BTD: variants seen among roughly 807,000 people sequenced by gnomAD.
BTD encodes the protein biocytinase.
A neutral mutation model predicts 17.7 loss-of-function variants in BTD; 13 were observed. The observed-to-expected ratio is 0.74, with a 90% confidence interval of 0.48 to 1.17. BTD has a LOEUF of 1.17. Ranked by LOEUF, BTD falls within the 50% of genes most tolerant of loss-of-function variation. The pLI is 0.00. For missense variants in BTD, 674 were observed against 650.4 expected (o/e 1.04, Z -0.39); for synonymous variants, 240 against 245.2 (o/e 0.98, Z 0.20).
Position 15,678,377 on chromosome 3 carries a change from T to C in BTD, c.400-31683T>C, listed in dbSNP as rs766665773. 8.2e-6 allele frequency: 13 copies of C among 1,578,442 alleles called. No homozygotes were observed. In the East Asian group the frequency reaches 2.5e-4, roughly 30 times the overall value. ...GTTCTGTGATAAAGAAAAATTGAAA[T>C]ATATGACTAAATTTGAATGTTATAT... On this transcript the variant is annotated intron_variant, in intron 3 of 3. Coordinates refer to the BTD transcript ENST00000672141.
At chr3:15,684,867 T>C (rs1051311784) in intron 3 of BTD, 2 of 206,648 alleles carry the variant, frequency 9.7e-6, no homozygotes, top group Admixed American at 1.1e-4. Context: ...CTCATGCCTG[T>C]AATCCCAACA....
chr3:15,708,858 G>A (rs2071833547), intron 3 of BTD, among the ~76,000 whole-genome samples: 1 of 152,026 alleles, frequency 6.6e-6, no homozygotes, highest in Non-Finnish European at 1.5e-5. Flanking sequence ...CACATGCATT[G>A]ACATATATTC....
intron 1 of BTD, among the ~76,000 whole-genome samples, chr3:15,628,497 A>C (rs1193846785): frequency 1.3e-5 from 2 of 152,226 alleles, no homozygotes; most frequent in African/African-American, 4.8e-5. Context: ...ATTATCTAGA[A>C]GGTGTTCTTT....
intron 1 of BTD, among the ~76,000 whole-genome samples, chr3:15,606,287 G>T (rs1398968982): frequency 6.6e-6 from 1 of 152,114 alleles, no homozygotes; most frequent in African/African-American, 2.4e-5. Flanking sequence ...GACAAGTCAG[G>T]CACCTGTATT....
At chr3:15,674,196 A>AAAAAAAGAAG (rs1470515364) in intron 3 of BTD, among the ~76,000 whole-genome samples, 25 of 130,158 alleles carry the variant, frequency 1.9e-4, no homozygotes, top group African/African-American at 7.8e-4. Context: ...AAAAAAAAAA[A>AAAAAAAGAAG]AAGAAGAAGA....
intron 3 of BTD, among the ~76,000 whole-genome samples, chr3:15,672,920 C>T (rs776080328): frequency 2.6e-5 from 4 of 152,242 alleles, no homozygotes; most frequent in Non-Finnish European, 5.9e-5. Flanking sequence ...GGATTACAGG[C>T]ACATGCCACC....
chr3:15,636,673 C>T (rs530242485), intron 2 of BTD, among the ~76,000 whole-genome samples: 1 of 152,056 alleles, frequency 6.6e-6, no homozygotes, highest in African/African-American at 2.4e-5. Flanking sequence ...ACAGTCCCTG[C>T]CTTAGAGCAG....
intron 1 of BTD, among the ~76,000 whole-genome samples, chr3:15,621,490 T>A (rs1413606573): frequency 1.3e-5 from 2 of 152,258 alleles, no homozygotes; most frequent in East Asian, 3.8e-4. Flanking sequence ...TTTTAAAATA[T>A]TTTGAATTAT....
Position 15,645,566 on chromosome 3 carries a change from G to T in BTD, c.*78G>T. ...CACTTCCACAGGCTACAAGCCCTGGGACCATCTTTCTGCCTTAAGGGCAGG... is the reference window on the plus strand; with the variant it reads ...CACTTCCACAGGCTACAAGCCCTGGTACCATCTTTCTGCCTTAAGGGCAGG... On this transcript the variant is annotated 3_prime_UTR_variant, in exon 4 of 4. Transcript: ENST00000643237. 6.5e-7 allele frequency: 1 copy of T among 1,546,150 alleles called. No individual in the cohort carries two copies. The highest frequency in any genetic ancestry group is 1.1e-5 in the South Asian group (1 of 87,376).
At position 15,641,884 on chromosome 3, in the gene BTD, A is replaced by G. The variant is rs200235377; in HGVS notation, c.250-24A>G. The G allele has an allele frequency of 4.2e-5, 65 of 1,532,398 alleles. No homozygotes were observed. The African/African-American group carries it at 8.6e-4, about 20-fold the overall frequency. 94.9% of individuals were successfully genotyped at this position (1,532,398 alleles called of 1,614,324 possible). ...TCTTCCTGCCATCTGATAACAGACT[A>G]TTCTTTGATGTTTTCATTTTCAGGA... is the stretch of plus-strand genomic sequence containing the variant. On this transcript the variant is annotated intron_variant, in intron 2 of 3. Transcript: ENST00000643237.
chr3:15,609,034 C>CT (rs2064541237), intron 1 of BTD, among the ~76,000 whole-genome samples: 1 of 152,212 alleles, frequency 6.6e-6, no homozygotes, highest in African/African-American at 2.4e-5. Context: ...GGAAGAATCT[C>CT]TGAGTGATTC....
rs2125515686 is a variant in BTD at position 15,647,810 on chromosome 3, C to A, written c.*2322C>A. ...TGCGTGGTTTCTCATGTAGGTGCAG[C>A]TGTGCTTTTCTGTGGTTTTTCTCAC... On this transcript the variant is annotated 3_prime_UTR_variant, in exon 4 of 4. Transcript: ENST00000643237. 6.6e-6 allele frequency among the ~76,000 whole-genome samples: 1 copy of A among 152,288 alleles called. No individual in the cohort carries two copies. Among genetic ancestry groups the A allele is most frequent in the South Asian group, 2.1e-4 (1 of 4,826 alleles).
intron 3 of BTD, among the ~76,000 whole-genome samples, chr3:15,701,222 T>A (rs2070554201): frequency 6.6e-6 from 1 of 152,350 alleles, no homozygotes; most frequent in African/African-American, 2.4e-5. Flanking sequence ...TAAAATGCTT[T>A]AGACCTCTTA....
rs34083448 is a variant in BTD at position 15,662,853 on chromosome 3, GTT to G, written c.399+20813_399+20814del. Among the ~76,000 whole-genome samples the G allele has an allele frequency of 1.4e-3, 179 of 126,548 alleles. 3 individuals carry two copies. Among genetic ancestry groups the G allele is most frequent in the African/African-American group, 2.6e-3 (86 of 33,456 alleles). The allele number at this position is 126,548 out of a possible 152,430, so 83.0% of individuals were successfully genotyped here. On this transcript the variant is annotated intron_variant, in intron 3 of 3. Coordinates refer to the BTD transcript ENST00000672141. ...TTTCATCATCTTGCCCAGGCTGGAG[GTT>G]TTTTTTTTTTTTTTTTAATAGATGT...
downstream of BTD, among the ~76,000 whole-genome samples, chr3:15,715,962 T>C (rs2072961699): frequency 6.6e-6 from 1 of 152,066 alleles, no homozygotes; most frequent in South Asian, 2.1e-4. Flanking sequence ...ATTTTTAATG[T>C]TAATATTTTA....
intron 3 of BTD, among the ~76,000 whole-genome samples, chr3:15,688,362 A>T (rs1264413589): frequency 1.3e-5 from 2 of 152,174 alleles, no homozygotes; most frequent in East Asian, 3.9e-4. Flanking sequence ...AACTCAAGTG[A>T]CCCTCTTGCC....
intron 1 of BTD, among the ~76,000 whole-genome samples, chr3:15,620,836 G>T (rs1160813716): frequency 6.6e-6 from 1 of 152,206 alleles, no homozygotes; most frequent in Non-Finnish European, 1.5e-5. Context: ...TATATAGAGA[G>T]ATATACGAAA....
At chr3:15,708,547 AAG>A (rs2071780588) in intron 3 of BTD, among the ~76,000 whole-genome samples, 7 of 152,246 alleles carry the variant, frequency 4.6e-5, no homozygotes, top group South Asian at 4.1e-4. Flanking sequence ...TCTCAACTCA[AAG>A]CATTTTTCAG....
intron 3 of BTD, among the ~76,000 whole-genome samples, chr3:15,688,962 T>C (rs1280467227): frequency 6.6e-6 from 1 of 152,234 alleles, no homozygotes; most frequent in East Asian, 1.9e-4. Flanking sequence ...AAATAACTTC[T>C]ACCAGAAAGA....
Sources: gnomAD v4.1 joint callset for allele counts (sites outside exome capture counted in the v4.1 genomes callset) on GRCh38, gnomAD v4.1.1 for gene constraint, MANE v1.5 for transcripts, NCBI Gene and HGNC (gene_info 2026-07-23, HGNC 2026-07-21) for gene names.